RERE: variants seen among roughly 807,000 people sequenced by gnomAD.
The protein encoded by RERE is arginine-glutamic acid dipeptide repeats protein.
In RERE, 40 loss-of-function variants were observed where a neutral mutation model predicts 146.1. The ratio of observed to expected loss-of-function variants is 0.27; its 90% CI spans 0.21 to 0.36. The LOEUF is 0.36. Ranked by LOEUF, RERE falls within the 10% of genes least tolerant of loss-of-function variation. The pLI is 1.00. For synonymous variants in RERE, 1,003 were observed against 866.0 expected (o/e 1.16, Z -2.78); for missense variants, 1,933 against 2,138.7 (o/e 0.90, Z 1.90).
Position 8,354,370 on chromosome 1 carries a change from A to G in RERE, c.*717T>C, listed in dbSNP as rs748394213. On this transcript the variant is annotated 3_prime_UTR_variant, in exon 23 of 23. Coordinates refer to ENST00000400908, the MANE Select transcript of RERE (RefSeq NM_001042681.2). ...CAGGCCTCGGTCCAAGCCTCTGTCC[A>G]TGTGGAACGCCCCTTTGCTCCCTTT... The G allele has an allele frequency of 6.6e-6, 1 of 152,660 alleles. No homozygotes were observed. The highest frequency in any genetic ancestry group is 1.5e-5 in the Non-Finnish European group (1 of 68,050). The allele number at this position is 152,660 out of a possible 1,614,324, so 9.5% of individuals were successfully genotyped here.
In RERE at chr1:8,616,800, C is replaced by T. The variant is rs767140835; in HGVS notation, c.397-2114G>A. 5.3e-5 allele frequency among the ~76,000 whole-genome samples: 8 copies of T among 152,276 alleles called. 1 individual carries two copies. In the South Asian group the frequency reaches 1.0e-3, roughly 20 times the overall value. On this transcript the variant is annotated intron_variant, in intron 3 of 22. Transcript: ENST00000400908. Reference sequence around the variant, plus strand: ...AGTGCCCAACCCTGACTGGCAGCCACGAGTGAAGACAAATTGCTGGCAAGC... The same window carrying T: ...AGTGCCCAACCCTGACTGGCAGCCATGAGTGAAGACAAATTGCTGGCAAGC...
chr1:8,806,141 T>G (rs1641688698), intron 1 of RERE, among the ~76,000 whole-genome samples: 1 of 151,988 alleles, frequency 6.6e-6, no homozygotes, highest in African/African-American at 2.4e-5. Flanking sequence ...CATGAGCCAC[T>G]GCACCCGGCC....
At chr1:8,529,249 A>C (rs1271620365) in intron 7 of RERE, among the ~76,000 whole-genome samples, 3 of 150,612 alleles carry the variant, frequency 2.0e-5, no homozygotes, top group Admixed American at 6.6e-5. Flanking sequence ...CAAACAGAAA[A>C]TATATCCACC....
chr1:8,790,265 C>T (rs916023546), intron 1 of RERE, among the ~76,000 whole-genome samples: 4 of 152,126 alleles, frequency 2.6e-5, no homozygotes, highest in Admixed American at 2.0e-4. Context: ...AGTTAAAGGA[C>T]ACCCCCCCAA....
intron 6 of RERE, among the ~76,000 whole-genome samples, chr1:8,546,662 A>T (rs1390081111): frequency 6.6e-6 from 1 of 152,052 alleles, no homozygotes; most frequent in Admixed American, 6.6e-5. Flanking sequence ...AGCCTGGCCA[A>T]CATAGTGAAA....
chr1:8,575,889 C>T (rs1646288905), intron 4 of RERE, among the ~76,000 whole-genome samples: 1 of 152,020 alleles, frequency 6.6e-6, no homozygotes, highest in Admixed American at 6.6e-5. Flanking sequence ...TGTAACTGAA[C>T]TGCAATATTC....
chr1:8,654,300 T>C (rs1298950944), intron 2 of RERE, among the ~76,000 whole-genome samples: 1 of 151,944 alleles, frequency 6.6e-6, no homozygotes, highest in African/African-American at 2.4e-5. Flanking sequence ...CCTCTCAAAG[T>C]GCTGGGATTA....
At chr1:8,677,626 C>T (rs1638874138) in intron 1 of RERE, among the ~76,000 whole-genome samples, 1 of 152,104 alleles carries the variant, frequency 6.6e-6, no homozygotes, top group South Asian at 2.1e-4. Flanking sequence ...TCCCCTCACC[C>T]TTCTCTGTAG....
chr1:8,581,718 T>A (rs1646368107), intron 4 of RERE, among the ~76,000 whole-genome samples: 2 of 152,224 alleles, frequency 1.3e-5, no homozygotes, highest in Admixed American at 6.5e-5. Flanking sequence ...AATAATTTGA[T>A]CATATATGTG....
intron 4 of RERE, among the ~76,000 whole-genome samples, chr1:8,559,069 G>C (rs1646040589): frequency 6.6e-6 from 1 of 150,508 alleles, no homozygotes; most frequent in South Asian, 2.1e-4. Context: ...CAATCTGCTG[G>C]GATTTCAAGC....
chr1:8,613,770 C>G (rs1321288280), intron 4 of RERE, among the ~76,000 whole-genome samples: 1 of 152,098 alleles, frequency 6.6e-6, no homozygotes, highest in African/African-American at 2.4e-5. Flanking sequence ...TATTAACCCA[C>G]TAGTCATTCA....
rs745532823 is a variant in RERE, at chr1:8,423,210, CAG to C, written c.1204-405_1204-404del. Reference sequence around the variant, plus strand: ...AGAAGTGTCGAGCAGAAAGGGGAAACAGAACCAAACCCGGTGACTCTTCTCCA... The same window carrying C: ...AGAAGTGTCGAGCAGAAAGGGGAAACAACCAAACCCGGTGACTCTTCTCCA... On this transcript the variant is annotated intron_variant, in intron 11 of 22. Transcript: ENST00000400908. This position sits in a 1 kb window ranked among gnomAD's most constrained non-coding sequence, Gnocchi z 5.4. 21 of 165,380 alleles carry C rather than the reference CAG, an allele frequency of 1.3e-4. No individual in the cohort carries two copies. The highest frequency in any genetic ancestry group is 1.3e-4 in the Non-Finnish European group (10 of 75,206). The allele number at this position is 165,380 out of a possible 1,614,324, so 10.2% of individuals were successfully genotyped here.
chr1:8,541,307 T>G lies in RERE; in HGVS notation c.737A>C (p.Asn246Thr), dbSNP rs771502076. The G allele has an allele frequency of 2.6e-5, 41 of 1,605,106 alleles. No individual in the cohort carries two copies. The Admixed American group carries it at 6.8e-4, about 26-fold the overall frequency. Residue 246 changes from asparagine (N) to threonine (T), a missense_variant, in exon 7 of 23, where the codon AAC becomes ACC. Asn to Thr is a moderately conservative substitution (Grantham distance 65). Around this residue, in one of 11 missense-constraint regions of RERE, gnomAD observed 37 missense variants for 46.6 expected, o/e 0.79. Coordinates refer to ENST00000400908, the MANE Select transcript of RERE (RefSeq NM_001042681.2). Reference protein sequence around the residue: ...YHAAALRGKCNISHFSDIFAA... With the variant: ...YHAAALRGKCTISHFSDIFAA... Reference sequence around the variant, plus strand: ...AAATATGTCAGAAAAATGGGAGATGTTACACTTCCCTCTGGGAAAAAGAGA... The same window carrying G: ...AAATATGTCAGAAAAATGGGAGATGGTACACTTCCCTCTGGGAAAAAGAGA...
intron 8 of RERE, among the ~76,000 whole-genome samples, chr1:8,506,460 G>T (rs1251125766): frequency 2.6e-5 from 4 of 152,188 alleles, no homozygotes; most frequent in Non-Finnish European, 5.9e-5. Context: ...GTTAAAATAG[G>T]TTATTTAAAA....
chr1:8,815,438 T>C (rs1467229011), intron 1 of RERE, among the ~76,000 whole-genome samples: 1 of 151,814 alleles, frequency 6.6e-6, no homozygotes, highest in Non-Finnish European at 1.5e-5. Flanking sequence ...CCCAACAAAA[T>C]CAGGGTCAAT....
intron 7 of RERE, among the ~76,000 whole-genome samples, chr1:8,521,723 G>A (rs1335406247): frequency 2.0e-5 from 3 of 152,142 alleles, no homozygotes; most frequent in Non-Finnish European, 2.9e-5. Flanking sequence ...GTCACCGCTT[G>A]CCCAATTGTC....
At chr1:8,458,119 C>T (rs1472226377) in intron 11 of RERE, among the ~76,000 whole-genome samples, 2 of 152,168 alleles carry the variant, frequency 1.3e-5, no homozygotes, top group Non-Finnish European at 2.9e-5. Flanking sequence ...TTAAAACTGA[C>T]TCCAATTCTG....
chr1:8,420,822 T>C (rs980244925), intron 12 of RERE, among the ~76,000 whole-genome samples: 2 of 152,078 alleles, frequency 1.3e-5, no homozygotes, highest in Non-Finnish European at 2.9e-5. Flanking sequence ...AAGAGGCTAG[T>C]GGAAAAGACA....
chr1:8,509,812 A>T (rs10864356), intron 7 of RERE, among the ~76,000 whole-genome samples: 89,289 of 152,056 alleles, frequency 0.59, 26,813 homozygotes, highest in East Asian at 0.84. Flanking sequence ...GCAACAAACA[A>T]AACAGTGTCA....
Sources: allele counts gnomAD v4.1 joint callset (sites outside exome capture counted in the v4.1 genomes callset), GRCh38; gene constraint gnomAD v4.1.1; regional missense constraint gnomAD v4.1.1; non-coding constraint Gnocchi (gnomAD v3.1); transcripts MANE v1.5; gene names NCBI Gene and HGNC (gene_info 2026-07-23, HGNC 2026-07-21).